The following USP34 variants were observed in gnomAD, a reference collection of about 807,000 sequenced individuals.
USP34 encodes ubiquitin specific peptidase 34, also known as ubiquitin carboxyl-terminal hydrolase 34.
USP34 carries 70 observed loss-of-function variants against 460.3 expected under a neutral mutation model. The observed-to-expected ratio is 0.15, with a 90% CI of 0.13 to 0.19. The LOEUF is 0.19. USP34 is among the 10% of genes least tolerant of loss of function. USP34 has a pLI of 1.00. For missense variants in USP34, 3,985 were observed against 4,236.2 expected, an observed-to-expected ratio of 0.94 and a Z score of 1.65; for synonymous variants, 1,647 against 1,405.3, an observed-to-expected ratio of 1.17 and a Z score of -3.85.
At chr2:61,417,288 C>T (rs1323442712) in intron 2 of USP34, 21 of 822,882 alleles carry the variant, frequency 2.6e-5, no homozygotes, top group Non-Finnish European at 4.1e-5. Flanking sequence ...AACAAACAGG[C>T]CGCATACACT....
At chr2:61,237,849 T>G (rs1688115036) in intron 53 of USP34, among the ~76,000 whole-genome samples, 1 of 151,536 alleles carries the variant, frequency 6.6e-6, no homozygotes, top group Admixed American at 6.6e-5. Context: ...AGATTACAGG[T>G]GTAATCTCAT....
chr2:61,197,256 G>T (rs940922830), intron 75 of USP34, among the ~76,000 whole-genome samples: 1 of 152,192 alleles, frequency 6.6e-6, no homozygotes, highest in Non-Finnish European at 1.5e-5. Flanking sequence ...GGGGGACAGA[G>T]TGAGACTTTG....
rs1687524451 is a variant in USP34 at position 61,220,324 on chromosome 2, G to C, written c.8033C>G (p.Pro2678Arg). ...VERFLLAHNY[P>R]RVRTSAAYLL... Reference sequence around the variant, plus strand: ...ATTTGACTTACAAGTCCTCACTCTAGGATAATTGTGAGCCAAAAGAAACCG... The same window carrying C: ...ATTTGACTTACAAGTCCTCACTCTACGATAATTGTGAGCCAAAAGAAACCG... Residue 2678 changes from proline (P) to arginine (R), a missense_variant, in exon 67 of 80, where the codon CCT becomes CGT. Coordinates refer to ENST00000398571, the MANE Select transcript of USP34 (RefSeq NM_014709.4). 1 of 1,613,286 alleles carries C rather than the reference G, an allele frequency of 6.2e-7. No homozygotes were observed. Among genetic ancestry groups the C allele is most frequent in the Admixed American group, 1.7e-5 (1 of 59,900 alleles).
intron 75 of USP34, among the ~76,000 whole-genome samples, chr2:61,195,390 C>G (rs1056505922): frequency 2.0e-5 from 3 of 146,628 alleles, no homozygotes; most frequent in Non-Finnish European, 4.5e-5. Context: ...AAAAATCAGC[C>G]AGGCTGGGCA....
At chr2:61,268,765 TAGGA>T (rs530174209) in intron 41 of USP34, among the ~76,000 whole-genome samples, 3 of 152,044 alleles carry the variant, frequency 2.0e-5, no homozygotes, top group Admixed American at 2.0e-4. Flanking sequence ...AAATAGAAAA[TAGGA>T]AGAGAGAATT....
At chr2:61,298,364 C>CAAAAAAAAA (rs11417017) in intron 29 of USP34, among the ~76,000 whole-genome samples, 409 of 47,816 alleles carry the variant, frequency 8.6e-3, no homozygotes, top group East Asian at 0.01. Context: ...TACAAAAATA[C>CAAAAAAAAA]AAAAAAAAAA....
At chr2:61,429,595 G>A (rs576542596) in intron 1 of USP34, among the ~76,000 whole-genome samples, 70 of 152,176 alleles carry the variant, frequency 4.6e-4, no homozygotes, top group Non-Finnish European at 8.8e-4. Context: ...CCACATGACA[G>A]GTAACAGGGC....
chr2:61,413,271 G>A (rs1694096327), intron 2 of USP34, among the ~76,000 whole-genome samples: 1 of 152,208 alleles, frequency 6.6e-6, no homozygotes, highest in South Asian at 2.1e-4. Flanking sequence ...GCATGTGCCT[G>A]TAGCTCCAGA....
At chr2:61,284,576 A>G (rs1028150426) in intron 35 of USP34, among the ~76,000 whole-genome samples, 1 of 152,200 alleles carries the variant, frequency 6.6e-6, no homozygotes, top group African/African-American at 2.4e-5. Context: ...GCTATTAAGA[A>G]AATCTCCTTG....
chr2:61,252,279 G>C (rs918409002), intron 48 of USP34, among the ~76,000 whole-genome samples: 2 of 152,164 alleles, frequency 1.3e-5, no homozygotes, highest in African/African-American at 4.8e-5. Context: ...ACCTCTCTGA[G>C]CTCAATTGCT....
rs765091478 is a variant in USP34, at chr2:61,228,923, C to T, written c.7272G>A (p.Leu2424=). The change falls in exon 60 of 80, where the codon CTG becomes CTA. Residue 2424 remains leucine (L), a synonymous_variant. Coordinates refer to ENST00000398571, the MANE Select transcript of USP34 (RefSeq NM_014709.4). ...TTACACCATGTTCCATAATTAATAA[C>T]AGGGTTCTCACAAAGCGAGTGACAC... The part of the protein sequence containing the change: ...RSCVTRFVRT[L]LLIMEHGVKP... The T allele has an allele frequency of 6.2e-7, 1 of 1,610,516 alleles. No individual in the cohort carries two copies. Among genetic ancestry groups the T allele is most frequent in the Non-Finnish European group, 8.5e-7 (1 of 1,178,214 alleles).
chr2:61,343,380 C>A lies in USP34; in HGVS notation c.2500+435G>T, dbSNP rs113796953. Among the ~76,000 whole-genome samples, 532 of 152,246 alleles carry A rather than the reference C, an allele frequency of 3.5e-3. 3 individuals carry two copies. The highest frequency in any genetic ancestry group is 0.012 in the African/African-American group (506 of 41,546). On this transcript the variant is annotated intron_variant, in intron 16 of 79. Transcript: ENST00000398571. ...CTCGCCCCTCCTTATTCCCTCCTAC[C>A]CTTCCCTAACCCCAAGCAACCACTA...
chr2:61,383,134 T>C (rs566013577), intron 6 of USP34, 135 bp downstream of exon 6: 2 of 503,814 alleles, frequency 4.0e-6, no homozygotes, highest in South Asian at 5.2e-5. Context: ...AAAAACACTA[T>C]ATACCAAACT....
In USP34 at chr2:61,200,300, GAC is replaced by G. The variant is rs148383893; in HGVS notation, c.9508+2838_9508+2839del. ...GTTTTTAAGTATCAAAATACTTGCC[GAC>G]ACAGTTTTTTTCAGATGGCAGTTGG... On this transcript the variant is annotated intron_variant, in intron 75 of 79. Coordinates refer to ENST00000398571, the MANE Select transcript of USP34 (RefSeq NM_014709.4). 9 of 152,412 alleles carry G rather than the reference GAC, an allele frequency of 5.9e-5. No individual in the cohort carries two copies. The East Asian group carries it at 1.7e-3, about 29-fold the overall frequency. The allele number at this position is 152,412 out of a possible 1,614,324, so 9.4% of individuals were successfully genotyped here. A position where few individuals can be genotyped will look rare whatever the true frequency, so the allele number is the denominator to read the frequency against.
At chr2:61,403,196 C>T (rs1016445468) in intron 3 of USP34, among the ~76,000 whole-genome samples, 3 of 151,888 alleles carry the variant, frequency 2.0e-5, no homozygotes, top group African/African-American at 7.3e-5. Context: ...AAAATACTCA[C>T]GAATAATAAT....
Position 61,406,065 on chromosome 2 carries a change from T to C in USP34, c.195A>G (p.Ala65=), listed in dbSNP as rs754721948. ...HLEIFNQVVC[A]LINLVIAQVQ... is the part of the protein sequence containing the mutation. The stretch of plus-strand genomic sequence containing the variant: ...CTTGGGCAATCACTAAGTTAATAAG[T>C]GCACACACTACTTGATTAAAAATCT... Residue 65 remains alanine, a synonymous_variant, in exon 3 of 80, where the codon GCA becomes GCG. Transcript: ENST00000398571. 1 of 1,613,762 alleles carries C rather than the reference T, an allele frequency of 6.2e-7. No individual in the cohort carries two copies. The highest frequency in any genetic ancestry group is 8.5e-7 in the Non-Finnish European group (1 of 1,179,940).
intron 21 of USP34, among the ~76,000 whole-genome samples, chr2:61,322,961 CTT>C (rs945346143): frequency 6.6e-6 from 1 of 151,366 alleles, no homozygotes; most frequent in Non-Finnish European, 1.5e-5. Flanking sequence ...AACTTAAACA[CTT>C]TTGTTATTTT....
chr2:61,398,416 G>C (rs1028121979), intron 3 of USP34, among the ~76,000 whole-genome samples: 2 of 146,286 alleles, frequency 1.4e-5, no homozygotes, highest in Non-Finnish European at 3.0e-5. Flanking sequence ...GGAGAGAAGG[G>C]GGGTGAAAGG....
chr2:61,230,524 A>G (rs1456683426), intron 58 of USP34, among the ~76,000 whole-genome samples: 1 of 151,984 alleles, frequency 6.6e-6, no homozygotes. Context: ...ACTCCAACTC[A>G]AAAACAACAC....
Sources: gnomAD v4.1 joint callset for allele counts (sites outside exome capture counted in the v4.1 genomes callset) on GRCh38, gnomAD v4.1.1 for gene constraint, MANE v1.5 for transcripts, NCBI Gene and HGNC (gene_info 2026-07-23, HGNC 2026-07-21) for gene names.